GALNT9: variants seen among roughly 807,000 people sequenced by gnomAD.
The protein encoded by GALNT9 is GalNAc transferase 9.
Under a neutral mutation model 63.1 loss-of-function variants are expected in GALNT9, and 47 were observed. That is an observed-to-expected ratio of 0.75 (90% CI 0.59 to 0.95). GALNT9 has a LOEUF of 0.95. GALNT9 is among the 40% of genes least tolerant of loss of function. GALNT9 has a pLI of 0.00. For synonymous variants in GALNT9, 396 were observed against 365.7 expected (o/e 1.08, Z -0.94); for missense variants, 829 against 874.8 (o/e 0.95, Z 0.66).
intron 1 of GALNT9, among the ~76,000 whole-genome samples, chr12:132,305,980 G>C (rs960035618): frequency 6.6e-5 from 10 of 152,144 alleles, no homozygotes; most frequent in Admixed American, 2.6e-4. Flanking sequence ...GGGCCGGGGG[G>C]CTCACGGCGG....
intron 6 of GALNT9, among the ~76,000 whole-genome samples, chr12:132,217,545 C>T (rs900157425): frequency 6.6e-6 from 1 of 150,894 alleles, no homozygotes; most frequent in African/African-American, 2.4e-5. Context: ...ACCATTCATC[C>T]ATCCACTCAC....
chr12:132,273,212 T>TC (rs1879933559), intron 2 of GALNT9: 1 of 152,386 alleles, frequency 6.6e-6, no homozygotes, highest in East Asian at 1.9e-4. Flanking sequence ...AACCGCCACC[T>TC]CCCGGGTTCA....
In GALNT9 at chr12:132,196,829, C is replaced by G. The variant is rs558741256; in HGVS notation, c.*278G>C. On this transcript the variant is annotated 3_prime_UTR_variant, in exon 11 of 11. Transcript: ENST00000328957. ...GCGGCGGCTGTCCCAGCAGCCTGGC[C>G]AGGAGATACCGTGGAGAAGGCACGT... The G allele has an allele frequency of 8.0e-7, 1 of 1,247,126 alleles. No homozygotes were observed. Among genetic ancestry groups the G allele is most frequent in the East Asian group, 4.1e-5 (1 of 24,366 alleles). 77.3% of individuals were successfully genotyped at this position (1,247,126 alleles called of 1,614,324 possible).
intron 8 of GALNT9, among the ~76,000 whole-genome samples, chr12:132,200,061 A>G (rs1875901583): frequency 1.3e-5 from 2 of 152,180 alleles, no homozygotes; most frequent in Non-Finnish European, 2.9e-5. Context: ...GCAGAGTAGA[A>G]GCACAGGGAG....
In GALNT9 at chr12:132,253,542, A is replaced by G. The variant is rs1879003936; in HGVS notation, c.959+4147T>C. Among the ~76,000 whole-genome samples, 5 of 96,542 alleles carry G rather than the reference A, an allele frequency of 5.2e-5. No individual in the cohort carries two copies. In the South Asian group the frequency reaches 2.4e-3, roughly 45 times the overall value. The allele number at this position is 96,542 out of a possible 152,430, so 63.3% of individuals were successfully genotyped here. A position where few individuals can be genotyped will look rare whatever the true frequency, so the allele number is the denominator to read the frequency against. On this transcript the variant is annotated intron_variant, in intron 5 of 10. Transcript: ENST00000328957. ...TCCTAGATTATATTAGTAATGCAAC[A>G]AAGAGTAATATTAAAAGCTAATGAT...
At chr12:132,222,911 CATACATCCCACACAA>C (rs1877512759) in intron 6 of GALNT9, among the ~76,000 whole-genome samples, 2 of 120,266 alleles carry the variant, frequency 1.7e-5, no homozygotes, top group South Asian at 3.0e-4. Flanking sequence ...CCACACCCCA[CATACATCCCACACAA>C]CCCACACCCC....
At chr12:132,251,025 A>T (rs1292545207) in intron 5 of GALNT9, among the ~76,000 whole-genome samples, 4 of 152,320 alleles carry the variant, frequency 2.6e-5, no homozygotes, top group African/African-American at 7.2e-5. Context: ...AGACAAGGGC[A>T]CCGGAGCCGC....
chr12:132,254,183 T>G lies in GALNT9; in HGVS notation c.959+3506A>C, dbSNP rs565498189. On this transcript the variant is annotated intron_variant, in intron 5 of 10. Transcript: ENST00000328957. Reference sequence around the variant, plus strand: ...ATTACAGGCACCTGACACCACGCCCTGCGAATTTTTGTATTTTTAGTAGAG... The same window carrying G: ...ATTACAGGCACCTGACACCACGCCCGGCGAATTTTTGTATTTTTAGTAGAG... 1.1e-4 allele frequency among the ~76,000 whole-genome samples: 16 copies of G among 151,982 alleles called. No individual in the cohort carries two copies. In the East Asian group the frequency reaches 3.1e-3, roughly 29 times the overall value.
intron 5 of GALNT9, among the ~76,000 whole-genome samples, chr12:132,253,865 G>A (rs1555238800): frequency 6.6e-6 from 1 of 152,178 alleles, no homozygotes; most frequent in East Asian, 1.9e-4. Flanking sequence ...TCTTGGCTCT[G>A]TGCCAGAAGC....
At position 132,236,665 on chromosome 12, in the gene GALNT9, T is replaced by C. The variant is rs781872375; in HGVS notation, c.1077+11245A>G. 6.6e-6 allele frequency among the ~76,000 whole-genome samples: 1 copy of C among 152,136 alleles called. No individual in the cohort carries two copies. Among genetic ancestry groups the C allele is most frequent in the Non-Finnish European group, 1.5e-5 (1 of 68,004 alleles). On this transcript the variant is annotated intron_variant, in intron 6 of 10. Coordinates refer to ENST00000328957, the MANE Select transcript of GALNT9 (RefSeq NM_001122636.2). The surrounding 1 kb of genome is among the most constrained non-coding windows in gnomAD (Gnocchi z 5.6). ...AAATAATCAGCGAAAACCAAAGCCA[T>C]CCCGAAGATCGCCCAGCCTCGCAAG... is the stretch of plus-strand genomic sequence containing the variant.
intron 1 of GALNT9, among the ~76,000 whole-genome samples, chr12:132,320,463 C>A (rs1479420619): frequency 6.6e-6 from 1 of 152,196 alleles, no homozygotes; most frequent in African/African-American, 2.4e-5. Flanking sequence ...TCTTTTAAAT[C>A]GACTCATCTT....
chr12:132,240,852 A>G (rs2136899775), intron 6 of GALNT9: 15,486 of 366,956 alleles, frequency 0.042, 721 homozygotes, highest in South Asian at 0.058. Context: ...CACACACCAC[A>G]CCCCCTTCCC....
chr12:132,277,604 G>C (rs778848994), intron 2 of GALNT9: 1 of 152,318 alleles, frequency 6.6e-6, no homozygotes, highest in African/African-American at 2.4e-5. Flanking sequence ...GGCGTGAAGC[G>C]TGTGGGCTGC....
At chr12:132,256,597 G>A (rs1470268763) in intron 5 of GALNT9, among the ~76,000 whole-genome samples, 13 of 122,448 alleles carry the variant, frequency 1.1e-4, no homozygotes, top group Non-Finnish European at 1.1e-4. Flanking sequence ...CAGTGGAGGG[G>A]GACAGTGGAG....
chr12:132,326,410 C>T lies in GALNT9; in HGVS notation c.238+2556G>A, dbSNP rs117583745. 5.7e-3 allele frequency among the ~76,000 whole-genome samples: 870 copies of T among 152,310 alleles called. 5 individuals are homozygous for T. Among genetic ancestry groups the T allele is most frequent in the Non-Finnish European group, 0.01 (681 of 68,028 alleles). ...CACAGAGCTTCCTTAATGAACATCCCTCTGGGGCCTTATGAATTTGAATCT... is the reference window on the plus strand; with the variant it reads ...CACAGAGCTTCCTTAATGAACATCCTTCTGGGGCCTTATGAATTTGAATCT... On this transcript the variant is annotated intron_variant, in intron 1 of 10. Coordinates refer to ENST00000328957, the MANE Select transcript of GALNT9 (RefSeq NM_001122636.2).
intron 9 of GALNT9, 55 bp downstream of exon 9, chr12:132,199,119 G>T: frequency 8.5e-7 from 1 of 1,178,874 alleles, no homozygotes; most frequent in East Asian, 2.3e-5. Flanking sequence ...GTAGGGTCCG[G>T]GTGGCCTGGG....
Position 132,329,087 on chromosome 12 carries a change from G to A in GALNT9, c.117C>T (p.Arg39=), listed in dbSNP as rs1869180150. ...GCACCCGGCGGTCGCCGCTCACGAT[G>A]CGCACGAGCTCCTGGGAGCGGCCCT... ...RLQGRSQELV[R]IVSGDRRVRS... The change falls in exon 1 of 11, where the codon CGC becomes CGT. Residue 39 remains arginine (R), a synonymous_variant. Transcript: ENST00000328957. 1 of 1,548,612 alleles carries A rather than the reference G, an allele frequency of 6.5e-7. No homozygotes were observed. The highest frequency in any genetic ancestry group is 8.7e-7 in the Non-Finnish European group (1 of 1,146,488).
chr12:132,324,349 C>T (rs892310326), intron 1 of GALNT9, among the ~76,000 whole-genome samples: 3 of 152,234 alleles, frequency 2.0e-5, no homozygotes, highest in East Asian at 3.9e-4. Context: ...TTCCGCACGA[C>T]CCCGCGCGCT....
Position 132,315,138 on chromosome 12 carries a change from G to A in GALNT9, c.238+13828C>T, listed in dbSNP as rs907495190. On this transcript the variant is annotated intron_variant, in intron 1 of 10. Transcript: ENST00000328957. This position sits in a 1 kb window ranked among gnomAD's most constrained non-coding sequence, Gnocchi z 6.1. Reference sequence around the variant, plus strand: ...GTGGGGCCGGGCTCTGAGTCCAGGCGGCCCAGCGCTCTAGCCACATTTTAA... The same window carrying A: ...GTGGGGCCGGGCTCTGAGTCCAGGCAGCCCAGCGCTCTAGCCACATTTTAA... Among the ~76,000 whole-genome samples, 5 of 152,180 alleles carry A rather than the reference G, an allele frequency of 3.3e-5. No homozygotes were observed. Among genetic ancestry groups the A allele is most frequent in the Admixed American group, 2.0e-4 (3 of 15,290 alleles).
Sources: allele counts gnomAD v4.1 joint callset (sites outside exome capture counted in the v4.1 genomes callset), GRCh38; gene constraint gnomAD v4.1.1; non-coding constraint Gnocchi (gnomAD v3.1); transcripts MANE v1.5; gene names NCBI Gene and HGNC (gene_info 2026-07-23, HGNC 2026-07-21).